Variants in CACNA2D3 observed in about 807,000 individuals in gnomAD.
The protein encoded by CACNA2D3 is calcium voltage-gated channel auxiliary subunit alpha2delta 3.
CACNA2D3 carries 60 observed loss-of-function variants against 160.6 expected under a neutral mutation model. The observed-to-expected ratio is 0.37, with a 90% CI of 0.30 to 0.46. The LOEUF is 0.46. Among genes scored for constraint, CACNA2D3 ranks in the 20% least tolerant of loss-of-function variants. The pLI is 1.00. For synonymous variants in CACNA2D3, 558 were observed against 492.9 expected (o/e 1.13, Z -1.75); for missense variants, 1,205 against 1,365.0 (o/e 0.88, Z 1.85).
intron 11 of CACNA2D3, among the ~76,000 whole-genome samples, chr3:54,711,092 C>T (rs988384987): frequency 2.0e-4 from 31 of 152,252 alleles, no homozygotes; most frequent in African/African-American, 7.2e-4. Context: ...TTTGGACTCA[C>T]AGAGGGCTGA....
intron 11 of CACNA2D3, among the ~76,000 whole-genome samples, chr3:54,730,080 T>G (rs992269977): frequency 2.0e-5 from 3 of 151,958 alleles, no homozygotes; most frequent in African/African-American, 7.3e-5. Context: ...TTACCAAATA[T>G]GTATTGGAAG....
chr3:54,732,112 G>T (rs756209110), intron 11 of CACNA2D3, among the ~76,000 whole-genome samples: 1 of 152,094 alleles, frequency 6.6e-6, no homozygotes, highest in Non-Finnish European at 1.5e-5. Flanking sequence ...TTCTGTTTAG[G>T]CTACGTGTTT....
chr3:54,577,673 T>C (rs1702608557), intron 8 of CACNA2D3, among the ~76,000 whole-genome samples: 1 of 152,242 alleles, frequency 6.6e-6, no homozygotes, highest in Admixed American at 6.5e-5. Context: ...TGCACCTAGA[T>C]GCCTTTCTCA....
chr3:54,918,568 C>T (rs1700733795), intron 27 of CACNA2D3: 3 of 1,614,084 alleles, frequency 1.9e-6, no homozygotes, highest in Middle Eastern at 1.6e-4. Context: ...ATAGGTGCAG[C>T]CATAGATGGC....
chr3:54,572,932 T>C (rs938276677), intron 8 of CACNA2D3, among the ~76,000 whole-genome samples: 3 of 152,192 alleles, frequency 2.0e-5, no homozygotes, highest in African/African-American at 7.2e-5. Context: ...ACCAATCGAT[T>C]GAAATAATCT....
intron 2 of CACNA2D3, among the ~76,000 whole-genome samples, chr3:54,173,783 G>T (rs1700617322): frequency 6.6e-6 from 1 of 152,170 alleles, no homozygotes; most frequent in African/African-American, 2.4e-5. Flanking sequence ...AGTCTTTACT[G>T]ACTTTACAAA....
intron 13 of CACNA2D3, among the ~76,000 whole-genome samples, chr3:54,802,956 A>T (rs1559587405): frequency 1.3e-5 from 2 of 152,342 alleles, no homozygotes; most frequent in South Asian, 4.1e-4. Context: ...ACAGGGTCTG[A>T]AGTGGACCTC....
At chr3:54,383,415 G>C (rs1032958602) in intron 3 of CACNA2D3, among the ~76,000 whole-genome samples, 3 of 152,024 alleles carry the variant, frequency 2.0e-5, no homozygotes, top group East Asian at 3.9e-4. Flanking sequence ...CTGCATGCAG[G>C]GCGTATCCAT....
chr3:55,023,959 A>G (rs1033803983), intron 35 of CACNA2D3, among the ~76,000 whole-genome samples: 1 of 143,818 alleles, frequency 7.0e-6, no homozygotes, highest in African/African-American at 2.6e-5. Flanking sequence ...GATCTTTTGT[A>G]TTTAAACATG....
chr3:54,257,501 T>A (rs1702319524), intron 2 of CACNA2D3, among the ~76,000 whole-genome samples: 1 of 152,192 alleles, frequency 6.6e-6, no homozygotes, highest in African/African-American at 2.4e-5. Flanking sequence ...TTTTTTTCCC[T>A]ACGCTTTTAG....
intron 35 of CACNA2D3, among the ~76,000 whole-genome samples, chr3:55,020,965 A>G (rs1274283762): frequency 1.3e-5 from 2 of 152,010 alleles, no homozygotes; most frequent in Non-Finnish European, 2.9e-5. Context: ...TCTTCCTTGC[A>G]CTGTCATTTG....
chr3:54,595,144 C>T (rs1399809424), intron 9 of CACNA2D3, among the ~76,000 whole-genome samples: 4 of 152,152 alleles, frequency 2.6e-5, no homozygotes, highest in African/African-American at 9.7e-5. Flanking sequence ...TGGTGCCCAT[C>T]TTAGTAGAAA....
chr3:54,683,359 G>C (rs2106918001), intron 11 of CACNA2D3, among the ~76,000 whole-genome samples: 1 of 152,268 alleles, frequency 6.6e-6, no homozygotes, highest in South Asian at 2.1e-4. Context: ...ACAAAAACCA[G>C]ATATACAGAC....
intron 2 of CACNA2D3, among the ~76,000 whole-genome samples, chr3:54,215,510 A>G (rs1369923572): frequency 6.6e-6 from 1 of 152,072 alleles, no homozygotes; most frequent in African/African-American, 2.4e-5. Context: ...ATTATTACAC[A>G]CATGTGGGTT....
At chr3:54,285,519 CA>C (rs1450212585) in intron 2 of CACNA2D3, among the ~76,000 whole-genome samples, 1 of 152,188 alleles carries the variant, frequency 6.6e-6, no homozygotes, top group African/African-American at 2.4e-5. Context: ...CACAGACAAA[CA>C]AAAAGACAGC....
At chr3:55,008,885 CTA>C (rs1491412215) in intron 33 of CACNA2D3, among the ~76,000 whole-genome samples, 27 of 55,066 alleles carry the variant, frequency 4.9e-4, no homozygotes, top group African/African-American at 1.7e-3. Context: ...CCACCTCCCT[CTA>C]TACACACACA....
intron 4 of CACNA2D3, among the ~76,000 whole-genome samples, chr3:54,472,694 G>T (rs1296181629): frequency 6.6e-6 from 1 of 152,124 alleles, no homozygotes; most frequent in East Asian, 1.9e-4. Flanking sequence ...AAAGTCTCAG[G>T]ATACAAAATC....
intron 2 of CACNA2D3, among the ~76,000 whole-genome samples, chr3:54,148,821 AC>A (rs1406754251): frequency 6.6e-6 from 1 of 151,932 alleles, no homozygotes; most frequent in Non-Finnish European, 1.5e-5. Flanking sequence ...TACTAAAAAT[AC>A]AAAAATTAGC....
intron 4 of CACNA2D3, among the ~76,000 whole-genome samples, chr3:54,451,033 C>A (rs1305147134): frequency 6.6e-6 from 1 of 151,930 alleles, no homozygotes; most frequent in Non-Finnish European, 1.5e-5. Flanking sequence ...GTTCGCAACC[C>A]AGCAGAACAA....
Sources: gnomAD v4.1 joint callset for allele counts (sites outside exome capture counted in the v4.1 genomes callset) on GRCh38, gnomAD v4.1.1 for gene constraint, MANE v1.5 for transcripts, NCBI Gene and HGNC (gene_info 2026-07-23, HGNC 2026-07-21) for gene names.